The following ZRANB1 variants were observed in gnomAD, a reference collection of about 807,000 sequenced individuals.
ZRANB1 encodes the protein zinc finger RANBP2-type containing 1, also known as ubiquitin thioesterase ZRANB1.
In ZRANB1, 16 loss-of-function variants were observed where a neutral mutation model predicts 80.5. The ratio of observed to expected loss-of-function variants is 0.20; its 90% CI spans 0.13 to 0.30. ZRANB1 has a LOEUF of 0.30. ZRANB1 is among the 10% of genes least tolerant of loss of function. The pLI, the probability that ZRANB1 is intolerant of heterozygous loss-of-function variation, is 1.00. For synonymous variants in ZRANB1, 291 were observed against 293.1 expected (o/e 0.99, Z 0.07); for missense variants, 576 against 862.6 (o/e 0.67, Z 4.16).
chr10:124,925,941 A>G, the ZRANB1 span, among the ~76,000 whole-genome samples: 2 of 152,366 alleles, frequency 1.3e-5, no homozygotes, highest in East Asian at 3.9e-4. Flanking sequence ...CCTACTGCAC[A>G]GTAGGCCATG....
In ZRANB1 at chr10:124,943,142, C is replaced by T; in HGVS notation, c.649C>T (p.Pro217Ser). Reference protein sequence around the residue: ...CSSGNSQRRSPPATKRDSEVK... With the variant: ...CSSGNSQRRSSPATKRDSEVK... ...TAGTGGTAATAGCCAAAGGAGATCA[C>T]CTCCTGCTACGAAGCGGGACTCTGA... The change falls in exon 1 of 9, where the codon CCT (proline) becomes TCT (serine). Residue 217 changes from proline (P) to serine (S), a missense_variant. This residue lies in a region of ZRANB1 where 411 missense variants were observed against 583.1 expected (regional missense o/e 0.70). Transcript: ENST00000359653. 3 of 1,614,194 alleles carry T rather than the reference C, an allele frequency of 1.9e-6. No individual in the cohort carries two copies. The highest frequency in any genetic ancestry group is 1.7e-6 in the Non-Finnish European group (2 of 1,180,042).
chr10:124,984,242 GTGAAAGGGTGC>G, intron 8 of ZRANB1: 1 of 155,910 alleles, frequency 6.4e-6, no homozygotes, highest in Non-Finnish European at 1.4e-5. Context: ...ATGAAGGGGA[GTGAAAGGGTGC>G]TGTAGACCAG....
rs1203133480 is a variant in ZRANB1, at chr10:124,988,068, G to T, written c.*3076G>T. 2.6e-5 allele frequency: 4 copies of T among 151,386 alleles called. No homozygotes were observed. The highest frequency in any genetic ancestry group is 4.4e-5 in the Non-Finnish European group (3 of 67,688). 9.4% of individuals were successfully genotyped at this position (151,386 alleles called of 1,614,324 possible). A position where few individuals can be genotyped will look rare whatever the true frequency, so the allele number is the denominator to read the frequency against. ...AGAACTCTAAAAGTTGAGCAACTTT[G>T]TTTTTTTTTGAATTGATTTAGCACT... is the stretch of plus-strand genomic sequence containing the variant. On this transcript the variant is annotated 3_prime_UTR_variant, in exon 9 of 9. Coordinates refer to ENST00000359653, the MANE Select transcript of ZRANB1 (RefSeq NM_017580.3).
At chr10:124,958,742 T>G (rs1564960320) in intron 1 of ZRANB1, among the ~76,000 whole-genome samples, 1 of 152,232 alleles carries the variant, frequency 6.6e-6, no homozygotes, top group South Asian at 2.1e-4. Flanking sequence ...TGATGTTTGT[T>G]GTTAAGAATG....
intron 1 of ZRANB1, among the ~76,000 whole-genome samples, chr10:124,950,237 A>G (rs938476803): frequency 8.6e-5 from 13 of 151,844 alleles, no homozygotes; most frequent in South Asian, 2.1e-4. Flanking sequence ...CAATTCTCCT[A>G]CCTCAGCCAC....
At chr10:124,922,334 A>ATC in the ZRANB1 span, among the ~76,000 whole-genome samples, 199 of 41,396 alleles carry the variant, frequency 4.8e-3, 1 homozygote, top group African/African-American at 0.011. Flanking sequence ...ATGTATATAT[A>ATC]TATTTTTTTT....
the ZRANB1 span, among the ~76,000 whole-genome samples, chr10:124,928,226 T>C: frequency 1.3e-5 from 2 of 152,118 alleles, no homozygotes; most frequent in Non-Finnish European, 2.9e-5. Flanking sequence ...AGTGAAGGCA[T>C]GGAGACATGA....
chr10:124,919,347 C>T, the ZRANB1 span, among the ~76,000 whole-genome samples: 1 of 152,016 alleles, frequency 6.6e-6, no homozygotes, highest in Non-Finnish European at 1.5e-5. Context: ...TAGTTCGAGA[C>T]CAGCCTGGCC....
At chr10:124,931,504 G>A in the ZRANB1 span, among the ~76,000 whole-genome samples, 1 of 152,234 alleles carries the variant, frequency 6.6e-6, no homozygotes, top group East Asian at 1.9e-4. Flanking sequence ...CCCAGTAGCT[G>A]GGATTACAGG....
At chr10:124,929,213 T>C in the ZRANB1 span, among the ~76,000 whole-genome samples, 1 of 152,160 alleles carries the variant, frequency 6.6e-6, no homozygotes, top group Admixed American at 6.5e-5. Flanking sequence ...CTGATAATCT[T>C]GGACAATGTG....
At chr10:124,918,126 G>A in the ZRANB1 span, among the ~76,000 whole-genome samples, 3 of 152,174 alleles carry the variant, frequency 2.0e-5, no homozygotes, top group Non-Finnish European at 4.4e-5. Flanking sequence ...TGGTTTCACC[G>A]TGTTTATGAT....
chr10:124,983,149 TTAAG>T lies in ZRANB1; in HGVS notation c.1549-24_1549-21del. 6.3e-7 allele frequency: 1 copy of T among 1,595,510 alleles called. No individual in the cohort carries two copies. Among genetic ancestry groups the T allele is most frequent in the Non-Finnish European group, 8.5e-7 (1 of 1,171,524 alleles). On this transcript the variant is annotated intron_variant, in intron 6 of 8. Transcript: ENST00000359653. This position sits in a 1 kb window ranked among gnomAD's most constrained non-coding sequence, Gnocchi z 6.2. ...TTTTCCAGGAGTGGTAATAAATGTT[TTAAG>T]TTTTTGTTTTGTTTCGTACAGCCTG...
intron 2 of ZRANB1, 65 bp downstream of exon 2, chr10:124,966,846 T>C: frequency 7.0e-7 from 1 of 1,428,350 alleles, no homozygotes. Flanking sequence ...AGTTTTCATT[T>C]TTGATTTTAT....
intron 2 of ZRANB1, among the ~76,000 whole-genome samples, chr10:124,970,833 G>GTTTTTT (rs34391929): frequency 2.2e-4 from 19 of 85,372 alleles, no homozygotes; most frequent in East Asian, 4.0e-4. Context: ...TCTCTTTGGG[G>GTTTTTT]TTTTTTTTTT....
chr10:124,983,166 T>G lies in ZRANB1; in HGVS notation c.1549-9T>G. On this transcript the variant is annotated splice_polypyrimidine_tract_variant and intron_variant, in intron 6 of 8. Coordinates refer to ENST00000359653, the MANE Select transcript of ZRANB1 (RefSeq NM_017580.3). The surrounding 1 kb of genome is among the most constrained non-coding windows in gnomAD (Gnocchi z 6.2). ...TAAATGTTTTAAGTTTTTGTTTTGT[T>G]TCGTACAGCCTGGAGCAAGCTTGGA... The G allele has an allele frequency of 6.2e-7, 1 of 1,602,994 alleles. No individual in the cohort carries two copies. Among genetic ancestry groups the G allele is most frequent in the Non-Finnish European group, 8.5e-7 (1 of 1,176,472 alleles).
In ZRANB1 at chr10:124,958,009, C is replaced by T. The variant is rs749563034; in HGVS notation, c.815-8585C>T. 3.3e-5 allele frequency among the ~76,000 whole-genome samples: 5 copies of T among 152,228 alleles called. No homozygotes were observed. The East Asian group carries it at 7.7e-4, about 23-fold the overall frequency. On this transcript the variant is annotated intron_variant, in intron 1 of 8. Transcript: ENST00000359653. ...CCTCCCAAAGTGTTGGGATTACAGG[C>T]GTGAGCCACTGCGCCTAGCCAGAAT...
intron 3 of ZRANB1, 97 bp downstream of exon 3, chr10:124,972,215 A>G (rs998166406): frequency 5.5e-6 from 6 of 1,089,302 alleles, no homozygotes; most frequent in Non-Finnish European, 8.0e-6. Flanking sequence ...AGCACATAAC[A>G]TAGCTACTGT....
intron 5 of ZRANB1, among the ~76,000 whole-genome samples, chr10:124,977,491 C>T (rs1951887904): frequency 6.6e-6 from 1 of 151,630 alleles, no homozygotes; most frequent in Non-Finnish European, 1.5e-5. Flanking sequence ...GGGCAGATCT[C>T]TTGAGCCTAG....
chr10:124,979,402 T>C (rs1306096388), intron 5 of ZRANB1, among the ~76,000 whole-genome samples: 1 of 152,234 alleles, frequency 6.6e-6, no homozygotes, highest in Admixed American at 6.5e-5. Flanking sequence ...GATTTGCAGA[T>C]GTTGTTTGTA....
Sources: allele counts gnomAD v4.1 joint callset (sites outside exome capture counted in the v4.1 genomes callset), GRCh38; gene constraint gnomAD v4.1.1; regional missense constraint gnomAD v4.1.1; non-coding constraint Gnocchi (gnomAD v3.1); transcripts MANE v1.5; gene names NCBI Gene and HGNC (gene_info 2026-07-23, HGNC 2026-07-21).